ZNF704: variants seen among roughly 807,000 people sequenced by gnomAD.
The protein encoded by ZNF704 is zinc finger protein 704.
A neutral mutation model predicts 44.7 loss-of-function variants in ZNF704; 10 were observed. The observed-to-expected ratio is 0.22, with a 90% confidence interval of 0.14 to 0.38. The LOEUF is 0.38. ZNF704 is among the 10% of genes least tolerant of loss of function. ZNF704 has a pLI of 1.00. For synonymous variants in ZNF704, 211 were observed against 207.6 expected (o/e 1.02, Z -0.14); for missense variants, 390 against 545.5 (o/e 0.71, Z 2.84).
At chr8:80,803,499 G>C (rs1305333065) in intron 2 of ZNF704, among the ~76,000 whole-genome samples, 2 of 152,140 alleles carry the variant, frequency 1.3e-5, no homozygotes, top group Admixed American at 6.5e-5. Context: ...TAGACCAGTG[G>C]AACAGAATAG....
rs992834976 is a variant in ZNF704 at position 80,874,293 on chromosome 8, G to A, written c.-22+278C>T. Among the ~76,000 whole-genome samples the A allele has an allele frequency of 6.9e-6, 1 of 145,172 alleles. No homozygotes were observed. Among genetic ancestry groups the A allele is most frequent in the African/African-American group, 2.5e-5 (1 of 40,594 alleles). ...CGGCGCGGCGGCCGCGGGCGGGGGT[G>A]GGTGTGAGCGAGCGGCGCGCTGCCG... On this transcript the variant is annotated intron_variant, in intron 1 of 8. Transcript: ENST00000327835. The surrounding 1 kb of genome is among the most constrained non-coding windows in gnomAD (Gnocchi z 4.4).
At chr8:80,853,320 T>C (rs1321751813) in intron 1 of ZNF704, among the ~76,000 whole-genome samples, 1 of 152,136 alleles carries the variant, frequency 6.6e-6, no homozygotes, top group Non-Finnish European at 1.5e-5. Flanking sequence ...GTGAGCCACG[T>C]TTGCACCACT....
At chr8:80,741,665 C>G (rs989036033) in intron 2 of ZNF704, among the ~76,000 whole-genome samples, 1 of 152,152 alleles carries the variant, frequency 6.6e-6, no homozygotes, top group African/African-American at 2.4e-5. Flanking sequence ...AACTCTTAAC[C>G]CAGCCACGTT....
intron 2 of ZNF704, among the ~76,000 whole-genome samples, chr8:80,757,993 G>A (rs145180727): frequency 9.5e-4 from 145 of 152,184 alleles, no homozygotes; most frequent in African/African-American, 3.4e-3. Context: ...TAATTGAAGG[G>A]CACTGGGCTT....
At chr8:80,662,963 G>A (rs947006870) in intron 6 of ZNF704, among the ~76,000 whole-genome samples, 13 of 152,146 alleles carry the variant, frequency 8.5e-5, no homozygotes, top group African/African-American at 3.1e-4. Flanking sequence ...AAGGGTGGGA[G>A]AACATAATTA....
chr8:80,834,626 T>C (rs1586062748), intron 1 of ZNF704, among the ~76,000 whole-genome samples: 1 of 152,146 alleles, frequency 6.6e-6, no homozygotes. Context: ...CCGCCCGTCA[T>C]CTAGGTTTTA....
At chr8:80,820,396 C>CTT (rs147731123) in intron 2 of ZNF704, among the ~76,000 whole-genome samples, 1 of 151,042 alleles carries the variant, frequency 6.6e-6, no homozygotes, top group Non-Finnish European at 1.5e-5. Context: ...TGACAAAGGC[C>CTT]TTTTTTTTTA....
chr8:80,732,110 T>G (rs897629076), intron 2 of ZNF704, among the ~76,000 whole-genome samples: 2 of 152,196 alleles, frequency 1.3e-5, no homozygotes, highest in Non-Finnish European at 2.9e-5. Flanking sequence ...TTGAGATTTT[T>G]CATTGGTTTT....
At chr8:80,729,158 T>C (rs771315153) in intron 2 of ZNF704, among the ~76,000 whole-genome samples, 3 of 151,798 alleles carry the variant, frequency 2.0e-5, no homozygotes, top group Non-Finnish European at 4.4e-5. Context: ...GAAGAAAACA[T>C]AGGAACAGAG....
chr8:80,671,213 C>T lies in ZNF704; in HGVS notation c.559-610G>A, dbSNP rs1359603478. Among the ~76,000 whole-genome samples, 4 of 152,246 alleles carry T rather than the reference C, an allele frequency of 2.6e-5. No individual in the cohort carries two copies. The East Asian group carries it at 5.8e-4, about 22-fold the overall frequency. On this transcript the variant is annotated intron_variant, in intron 4 of 8. Coordinates refer to ENST00000327835, the MANE Select transcript of ZNF704 (RefSeq NM_001033723.3). ...CACAATCTTGGATCACTGCAGCCTCCGCCTCCTGGGCTCAAGAGATCCTCC... is the reference window on the plus strand; with the variant it reads ...CACAATCTTGGATCACTGCAGCCTCTGCCTCCTGGGCTCAAGAGATCCTCC...
chr8:80,836,903 C>G (rs1178174222), intron 1 of ZNF704, among the ~76,000 whole-genome samples: 1 of 152,124 alleles, frequency 6.6e-6, no homozygotes, highest in Non-Finnish European at 1.5e-5. Context: ...TGCTTATTGT[C>G]CAAGCTGCTC....
At position 80,801,798 on chromosome 8, in the gene ZNF704, G is replaced by C. The variant is rs1297287078; in HGVS notation, c.221+19576C>G. Among the ~76,000 whole-genome samples, 3 of 152,084 alleles carry C rather than the reference G, an allele frequency of 2.0e-5. No homozygotes were observed. In the East Asian group the frequency reaches 5.8e-4, roughly 29 times the overall value. ...CAAGAGCAAACAAACCCCAACGCTA[G>C]CAGAAGACAAGAAATAACCAAGATC... On this transcript the variant is annotated intron_variant, in intron 2 of 8. Coordinates refer to ENST00000327835, the MANE Select transcript of ZNF704 (RefSeq NM_001033723.3).
chr8:80,761,829 G>T (rs1292604796), intron 2 of ZNF704, among the ~76,000 whole-genome samples: 7 of 152,204 alleles, frequency 4.6e-5, no homozygotes, highest in Non-Finnish European at 8.8e-5. Flanking sequence ...AGTCACTGTG[G>T]TTGGTAATTG....
At chr8:80,784,394 A>T (rs1369066857) in intron 2 of ZNF704, among the ~76,000 whole-genome samples, 1 of 152,200 alleles carries the variant, frequency 6.6e-6, no homozygotes, top group Non-Finnish European at 1.5e-5. Context: ...GCAACTACTC[A>T]GAGTTTCTGT....
chr8:80,776,343 T>C (rs1421443992), intron 2 of ZNF704, among the ~76,000 whole-genome samples: 2 of 152,192 alleles, frequency 1.3e-5, no homozygotes, highest in Admixed American at 1.3e-4. Context: ...TGCATGAAAA[T>C]AGGAGCATGT....
chr8:80,779,417 G>C (rs1213276612), intron 2 of ZNF704, among the ~76,000 whole-genome samples: 1 of 151,720 alleles, frequency 6.6e-6, no homozygotes, highest in Admixed American at 6.6e-5. Flanking sequence ...AATTTTTGTG[G>C]GTTATTCTTA....
intron 7 of ZNF704, among the ~76,000 whole-genome samples, chr8:80,658,981 T>C (rs1818057228): frequency 6.6e-6 from 1 of 152,232 alleles, no homozygotes; most frequent in Non-Finnish European, 1.5e-5. Context: ...AGATCCAATA[T>C]ATTTTTTAAA....
intron 2 of ZNF704, among the ~76,000 whole-genome samples, chr8:80,790,148 G>A (rs2129743678): frequency 6.6e-6 from 1 of 152,038 alleles, no homozygotes; most frequent in African/African-American, 2.4e-5. Flanking sequence ...CCGGGTTAGG[G>A]GTATTTTGAA....
intron 2 of ZNF704, among the ~76,000 whole-genome samples, chr8:80,750,200 C>T (rs1806917560): frequency 6.6e-6 from 1 of 152,120 alleles, no homozygotes; most frequent in Admixed American, 6.5e-5. Context: ...GTTGGCACCA[C>T]AGGCAATGAC....
Sources: allele counts gnomAD v4.1 joint callset (sites outside exome capture counted in the v4.1 genomes callset), GRCh38; gene constraint gnomAD v4.1.1; non-coding constraint Gnocchi (gnomAD v3.1); transcripts MANE v1.5; gene names NCBI Gene and HGNC (gene_info 2026-07-23, HGNC 2026-07-21).